Variants in DPP10 observed in about 807,000 individuals in gnomAD.
DPP10 encodes the protein inactive dipeptidyl peptidase 10.
DPP10 carries 33 observed loss-of-function variants against 120.9 expected under a neutral mutation model. The ratio of observed to expected loss-of-function variants is 0.27; its 90% CI spans 0.21 to 0.37. The LOEUF is 0.37. DPP10 is among the 10% of genes least tolerant of loss of function. The pLI is 1.00. For synonymous variants in DPP10, 337 were observed against 326.1 expected (o/e 1.03, Z -0.36); for missense variants, 816 against 942.8 (o/e 0.87, Z 1.76).
intron 1 of DPP10, among the ~76,000 whole-genome samples, chr2:115,294,078 C>G (rs1158119242): frequency 2.6e-5 from 4 of 152,088 alleles, no homozygotes; most frequent in Non-Finnish European, 5.9e-5. Flanking sequence ...GATTAAAGAT[C>G]TAGTCTTGTG....
chr2:114,903,253 A>G (rs1230974387), intron 1 of DPP10, among the ~76,000 whole-genome samples: 5 of 152,212 alleles, frequency 3.3e-5, no homozygotes, highest in African/African-American at 1.2e-4. Context: ...TAAAGCTGCT[A>G]TAAACATTTC....
At chr2:114,679,304 A>G (rs537984824) in intron 1 of DPP10, among the ~76,000 whole-genome samples, 4 of 152,066 alleles carry the variant, frequency 2.6e-5, no homozygotes, top group Non-Finnish European at 4.4e-5. Flanking sequence ...AGAAAGAATG[A>G]TAATTTAGTG....
At chr2:115,331,136 C>T (rs947155911) in intron 2 of DPP10, among the ~76,000 whole-genome samples, 6 of 152,010 alleles carry the variant, frequency 3.9e-5, no homozygotes, top group Non-Finnish European at 7.4e-5. Flanking sequence ...TGAAGAGGTC[C>T]TTCACATCCC....
At chr2:114,927,639 T>C (rs1695735059) in intron 1 of DPP10, among the ~76,000 whole-genome samples, 2 of 152,190 alleles carry the variant, frequency 1.3e-5, no homozygotes, top group African/African-American at 2.4e-5. Flanking sequence ...GGAGGCAGAT[T>C]TGCCCTGAGA....
chr2:115,042,836 CTCATAGTGTATACTTG>C (rs1322716464), intron 1 of DPP10, among the ~76,000 whole-genome samples: 3 of 152,168 alleles, frequency 2.0e-5, no homozygotes, highest in Non-Finnish European at 4.4e-5. Context: ...CTCTTCCCAC[CTCATAGTGTATACTTG>C]TATATCATTT....
intron 1 of DPP10, among the ~76,000 whole-genome samples, chr2:114,726,234 T>TAAA (rs66544851): frequency 4.4e-5 from 5 of 113,880 alleles, no homozygotes; most frequent in African/African-American, 1.3e-4. Flanking sequence ...AGACTACGTC[T>TAAA]AAAAAAAAAA....
chr2:115,525,477 A>G (rs1177644034), intron 4 of DPP10, among the ~76,000 whole-genome samples: 1 of 152,092 alleles, frequency 6.6e-6, no homozygotes, highest in Non-Finnish European at 1.5e-5. Context: ...AAATATAAAC[A>G]TTCAACCAGT....
intron 7 of DPP10, among the ~76,000 whole-genome samples, chr2:115,712,010 G>A (rs913752097): frequency 4.9e-5 from 7 of 142,528 alleles, no homozygotes; most frequent in Non-Finnish European, 9.0e-5. Flanking sequence ...TTTTGTAGAA[G>A]ACAATTTTTT....
intron 1 of DPP10, among the ~76,000 whole-genome samples, chr2:115,139,523 C>T (rs553418057): frequency 5.3e-5 from 8 of 151,546 alleles, no homozygotes; most frequent in East Asian, 1.9e-4. Context: ...TAAATTTAAC[C>T]ATAACCATCC....
At chr2:115,418,469 A>G (rs1271919401) in intron 3 of DPP10, among the ~76,000 whole-genome samples, 3 of 152,160 alleles carry the variant, frequency 2.0e-5, no homozygotes, top group Non-Finnish European at 4.4e-5. Context: ...AGGATGAACA[A>G]ATCTAAAATT....
chr2:115,009,530 T>A (rs552090654), intron 1 of DPP10, among the ~76,000 whole-genome samples: 1 of 152,032 alleles, frequency 6.6e-6, no homozygotes, highest in Non-Finnish European at 1.5e-5. Flanking sequence ...TATACGTATG[T>A]TACTAACCTG....
chr2:114,874,385 A>G (rs1690974154), intron 1 of DPP10, among the ~76,000 whole-genome samples: 1 of 152,164 alleles, frequency 6.6e-6, no homozygotes, highest in South Asian at 2.1e-4. Flanking sequence ...AAAAGCATCC[A>G]AAAGCCTGCT....
rs920920865 is a variant in DPP10, at chr2:115,412,459, A to G, written c.271+68547A>G. Among the ~76,000 whole-genome samples the G allele has an allele frequency of 7.2e-5, 11 of 152,228 alleles. No individual in the cohort carries two copies. In the East Asian group the frequency reaches 2.1e-3, roughly 29 times the overall value. On this transcript the variant is annotated intron_variant, in intron 3 of 25. Transcript: ENST00000410059. ...CAGATATTGAAGAACAAAAAGAAAC[A>G]CTCTGTAAATACAGGTGTCTACTCG...
At chr2:115,625,711 A>G (rs555057434) in intron 5 of DPP10, among the ~76,000 whole-genome samples, 1 of 152,212 alleles carries the variant, frequency 6.6e-6, no homozygotes, top group Non-Finnish European at 1.5e-5. Context: ...TCCTCACGTA[A>G]AAGAAATGCC....
intron 21 of DPP10, among the ~76,000 whole-genome samples, chr2:115,828,201 A>G (rs1334756535): frequency 1.3e-5 from 2 of 151,858 alleles, no homozygotes; most frequent in Non-Finnish European, 2.9e-5. Flanking sequence ...GATGTTTACT[A>G]CCTTCTGGTT....
At chr2:115,107,246 C>T (rs1264426128) in intron 1 of DPP10, among the ~76,000 whole-genome samples, 1 of 151,746 alleles carries the variant, frequency 6.6e-6, no homozygotes. Flanking sequence ...ATAGGGATCA[C>T]CGATTTGACA....
chr2:114,492,481 T>TA (rs1209275145), intron 1 of DPP10, among the ~76,000 whole-genome samples: 1 of 152,066 alleles, frequency 6.6e-6, no homozygotes, highest in Non-Finnish European at 1.5e-5. Context: ...AAGGACAAAC[T>TA]AAAAAATAAG....
intron 1 of DPP10, among the ~76,000 whole-genome samples, chr2:115,056,164 A>G (rs1429240247): frequency 2.0e-5 from 3 of 152,104 alleles, no homozygotes; most frequent in Non-Finnish European, 4.4e-5. Flanking sequence ...ATACATACGG[A>G]TCCTTAAACA....
chr2:115,498,834 C>T (rs2076539740), intron 3 of DPP10, among the ~76,000 whole-genome samples: 1 of 151,694 alleles, frequency 6.6e-6, no homozygotes. Context: ...TATGGCCAAA[C>T]TTACCTCAAA....
Sources: allele counts gnomAD v4.1 joint callset (sites outside exome capture counted in the v4.1 genomes callset), GRCh38; gene constraint gnomAD v4.1.1; transcripts MANE v1.5; gene names NCBI Gene and HGNC (gene_info 2026-07-23, HGNC 2026-07-21).